KCNC2: variants seen among roughly 807,000 people sequenced by gnomAD.
The protein encoded by KCNC2 is potassium voltage-gated channel subfamily C member 2.
A neutral mutation model predicts 44.5 loss-of-function variants in KCNC2; 21 were observed. The observed-to-expected ratio is 0.47, with a 90% CI of 0.33 to 0.68. The LOEUF is 0.68. Among genes scored for constraint, KCNC2 ranks in the 30% least tolerant of loss-of-function variants. KCNC2 has a pLI of 0.01. For missense variants in KCNC2, 589 were observed against 826.2 expected (o/e 0.71, Z 3.52); for synonymous variants, 391 against 339.1 (o/e 1.15, Z -1.68).
At chr12:75,137,761 A>G (rs548737707) in intron 2 of KCNC2, among the ~76,000 whole-genome samples, 1 of 152,198 alleles carries the variant, frequency 6.6e-6, no homozygotes, top group Non-Finnish European at 1.5e-5. Context: ...TCCCTTTCTC[A>G]GTTTACATTT....
rs1176585095 is a variant in KCNC2 at position 75,208,012 on chromosome 12, G to A, written c.-19-10C>T. On this transcript the variant is annotated splice_polypyrimidine_tract_variant and intron_variant, in intron 1 of 4. Coordinates refer to ENST00000549446, the MANE Select transcript of KCNC2 (RefSeq NM_139137.4). ...TGTGACTCAGACATGACTAGGGGGA[G>A]GCAAACACAGCGCCGAGTTAAAGAT... 1 of 1,610,042 alleles carries A rather than the reference G, an allele frequency of 6.2e-7. No individual in the cohort carries two copies. The highest frequency in any genetic ancestry group is 8.5e-7 in the Non-Finnish European group (1 of 1,179,066).
At chr12:75,164,939 G>C (rs1891348547) in intron 2 of KCNC2, among the ~76,000 whole-genome samples, 1 of 151,584 alleles carries the variant, frequency 6.6e-6, no homozygotes. Context: ...TAGTACCAAA[G>C]TGTCCACCAA....
In KCNC2 at chr12:75,069,129, C is replaced by CTTTTTTTTTTTTTTTT; in HGVS notation, c.688-17828_688-17813dup. 6.6e-3 allele frequency among the ~76,000 whole-genome samples: 419 copies of CTTTTTTTTTTTTTTTT among 63,656 alleles called. 96 individuals carry two copies. The highest frequency in any genetic ancestry group is 0.048 in the Middle Eastern group (2 of 42). 41.8% of individuals were successfully genotyped at this position (63,656 alleles called of 152,430 possible). On this transcript the variant is annotated intron_variant, in intron 2 of 4. Coordinates refer to ENST00000549446, the MANE Select transcript of KCNC2 (RefSeq NM_139137.4). ...AAAAACAGTTTCAATTTTATATAATCTTTTTTTTTTTTTTTTTTTTTTGAG... is the reference window on the plus strand; with the variant it reads ...AAAAACAGTTTCAATTTTATATAATCTTTTTTTTTTTTTTTTTTTTTTTTTTTTTTTTTTTTTTGAG...
chr12:75,127,204 T>C (rs1199486489), intron 2 of KCNC2, among the ~76,000 whole-genome samples: 1 of 152,170 alleles, frequency 6.6e-6, no homozygotes, highest in Non-Finnish European at 1.5e-5. Flanking sequence ...CGAGAATTAG[T>C]AGTTACATGA....
intron 2 of KCNC2, among the ~76,000 whole-genome samples, chr12:75,143,925 T>C (rs1379955): frequency 0.17 from 25,273 of 152,184 alleles, 2,681 homozygotes; most frequent in African/African-American, 0.29. Context: ...TTCTAATATG[T>C]CTGCTGACAT....
chr12:75,155,760 A>C (rs1272354924), intron 2 of KCNC2, among the ~76,000 whole-genome samples: 16 of 151,260 alleles, frequency 1.1e-4, no homozygotes, highest in African/African-American at 3.9e-4. Context: ...GAAGAGCAGC[A>C]GAGCACAGTT....
chr12:75,197,327 T>C (rs1366396887), intron 2 of KCNC2, among the ~76,000 whole-genome samples: 2 of 151,978 alleles, frequency 1.3e-5, no homozygotes. Context: ...CTTCAGATCT[T>C]TTTATTATTC....
At chr12:75,078,501 T>C (rs927117754) in intron 2 of KCNC2, among the ~76,000 whole-genome samples, 5 of 152,204 alleles carry the variant, frequency 3.3e-5, no homozygotes, top group Non-Finnish European at 7.3e-5. Context: ...GTATTATGTC[T>C]TCTCCATCAT....
intron 2 of KCNC2, among the ~76,000 whole-genome samples, chr12:75,188,483 T>G (rs2029888550): frequency 6.6e-6 from 1 of 152,162 alleles, no homozygotes; most frequent in South Asian, 2.1e-4. Flanking sequence ...GTATAGATTC[T>G]TAGATTAAAA....
chr12:75,192,238 A>G (rs1315095222), intron 2 of KCNC2, among the ~76,000 whole-genome samples: 2 of 152,240 alleles, frequency 1.3e-5, no homozygotes, highest in Non-Finnish European at 2.9e-5. Flanking sequence ...TGCTGCCGCA[A>G]CATCCATTCT....
chr12:75,197,246 T>C (rs531356746), intron 2 of KCNC2, among the ~76,000 whole-genome samples: 31 of 152,064 alleles, frequency 2.0e-4, no homozygotes, highest in Admixed American at 1.8e-3. Context: ...AGCCCAGTGG[T>C]CCCCTCCTTC....
At chr12:75,106,054 A>C (rs976483384) in intron 2 of KCNC2, among the ~76,000 whole-genome samples, 5 of 152,108 alleles carry the variant, frequency 3.3e-5, no homozygotes, top group Non-Finnish European at 4.4e-5. Context: ...AAAGAGACTA[A>C]GAAGGAACAA....
intron 2 of KCNC2, among the ~76,000 whole-genome samples, chr12:75,186,783 G>A (rs2137681758): frequency 6.6e-6 from 1 of 152,184 alleles, no homozygotes; most frequent in Middle Eastern, 3.4e-3. Flanking sequence ...TGATACCTTA[G>A]CACATTAGGA....
chr12:75,085,034 CA>C (rs5799209), intron 2 of KCNC2, among the ~76,000 whole-genome samples: 2 of 150,816 alleles, frequency 1.3e-5, no homozygotes, highest in African/African-American at 2.4e-5. Flanking sequence ...TAGGAATTCA[CA>C]AAAAAAAGGA....
chr12:75,063,280 A>G (rs1882518987), intron 2 of KCNC2, among the ~76,000 whole-genome samples: 1 of 152,094 alleles, frequency 6.6e-6, no homozygotes, highest in African/African-American at 2.4e-5. Flanking sequence ...TCCTTTAAAC[A>G]GAGTTAAAAT....
chr12:75,083,308 T>G (rs1000649393), intron 2 of KCNC2, among the ~76,000 whole-genome samples: 1 of 151,874 alleles, frequency 6.6e-6, no homozygotes, highest in African/African-American at 2.4e-5. Flanking sequence ...ATTAGTTCGT[T>G]AATTGTATTG....
At chr12:75,075,435 C>A (rs1003366121) in intron 2 of KCNC2, among the ~76,000 whole-genome samples, 2 of 132,226 alleles carry the variant, frequency 1.5e-5, no homozygotes, top group African/African-American at 5.5e-5. Flanking sequence ...AAATCCAATT[C>A]TCAGGAGAGA....
intron 2 of KCNC2, among the ~76,000 whole-genome samples, chr12:75,079,545 T>A (rs959881109): frequency 6.6e-6 from 1 of 152,134 alleles, no homozygotes; most frequent in Non-Finnish European, 1.5e-5. Context: ...TGTAAATACG[T>A]TTCATTGTGT....
chr12:75,141,440 T>C (rs1889644885), intron 2 of KCNC2, among the ~76,000 whole-genome samples: 1 of 152,202 alleles, frequency 6.6e-6, no homozygotes, highest in African/African-American at 2.4e-5. Context: ...GTAGTAGTGA[T>C]AGTAATTATT....
Sources: allele counts gnomAD v4.1 joint callset (sites outside exome capture counted in the v4.1 genomes callset), GRCh38; gene constraint gnomAD v4.1.1; transcripts MANE v1.5; gene names NCBI Gene and HGNC (gene_info 2026-07-23, HGNC 2026-07-21).